The following NPAS3 variants were observed in gnomAD, a reference collection of about 807,000 sequenced individuals.
NPAS3 encodes neuronal PAS domain-containing protein 3.
A neutral mutation model predicts 73.1 loss-of-function variants in NPAS3; 14 were observed. The ratio of observed to expected loss-of-function variants is 0.19; its 90% CI spans 0.13 to 0.30. The LOEUF (loss-of-function observed/expected upper bound fraction) is 0.30, where lower values mean the gene tolerates loss of function less well. Among genes scored for constraint, NPAS3 ranks in the 10% least tolerant of loss-of-function variants. NPAS3 has a pLI of 1.00. For synonymous variants in NPAS3, 620 were observed against 541.5 expected, an observed-to-expected ratio of 1.14 and a Z score of -2.01; for missense variants, 1,096 against 1,250.0, an observed-to-expected ratio of 0.88 and a Z score of 1.86.
chr14:33,104,106 A>G (rs1199849364), intron 2 of NPAS3, among the ~76,000 whole-genome samples: 3 of 152,196 alleles, frequency 2.0e-5, no homozygotes, highest in African/African-American at 7.2e-5. Context: ...GGTATCAGCT[A>G]CATTGCAGAC....
intron 2 of NPAS3, among the ~76,000 whole-genome samples, chr14:33,197,435 T>C (rs1438033969): frequency 4.0e-5 from 6 of 151,844 alleles, no homozygotes; most frequent in East Asian, 3.9e-4. Context: ...ACACTGCACA[T>C]AGACATCATG....
In NPAS3 at chr14:33,006,205, C is replaced by A. The variant is rs141018825; in HGVS notation, c.51-49700C>A. On this transcript the variant is annotated intron_variant, in intron 1 of 11. Coordinates refer to ENST00000356141, the Ensembl canonical transcript of NPAS3. The stretch of plus-strand genomic sequence containing the variant: ...TCTCAAAGAAAAGATAAAGAGGAGG[C>A]ACTAGAGGAGGCAAAGCTGAAGGGA... Among the ~76,000 whole-genome samples, 458 of 152,236 alleles carry A rather than the reference C, an allele frequency of 3.0e-3. 2 individuals carry two copies. Among genetic ancestry groups the A allele is most frequent in the Non-Finnish European group, 5.0e-3 (338 of 68,014 alleles).
intron 2 of NPAS3, among the ~76,000 whole-genome samples, chr14:33,164,472 TTA>T (rs2045043436): frequency 6.6e-6 from 1 of 152,214 alleles, no homozygotes; most frequent in Admixed American, 6.5e-5. Context: ...TCTTCTAAAT[TTA>T]TGATTATTTG....
intron 6 of NPAS3, among the ~76,000 whole-genome samples, chr14:33,698,835 T>G (rs2071022551): frequency 6.6e-6 from 1 of 152,210 alleles, no homozygotes; most frequent in African/African-American, 2.4e-5. Flanking sequence ...AAATAAAGGA[T>G]GAAGGTAAAC....
intron 4 of NPAS3, among the ~76,000 whole-genome samples, chr14:33,466,218 G>A (rs75926643): frequency 0.033 from 4,954 of 152,234 alleles, 102 homozygotes; most frequent in Middle Eastern, 0.065. Context: ...ACCTGGTAAA[G>A]GCAGGGCTAG....
intron 4 of NPAS3, among the ~76,000 whole-genome samples, chr14:33,414,367 A>T (rs917048925): frequency 1.3e-5 from 2 of 152,156 alleles, no homozygotes; most frequent in African/African-American, 4.8e-5. Flanking sequence ...TAGTATTAAG[A>T]TTAAGTCATT....
intron 1 of NPAS3, among the ~76,000 whole-genome samples, chr14:33,016,504 A>G (rs1032772387): frequency 2.0e-4 from 30 of 152,050 alleles, no homozygotes; most frequent in Admixed American, 1.1e-3. Flanking sequence ...CTGATACCCA[A>G]AGAAAAAGAG....
chr14:33,155,712 AGT>A (rs1489424596), intron 2 of NPAS3, among the ~76,000 whole-genome samples: 2 of 152,024 alleles, frequency 1.3e-5, no homozygotes, highest in Non-Finnish European at 2.9e-5. Context: ...CTAGGTAGGG[AGT>A]GTGGTCTGCA....
At chr14:33,609,592 T>C (rs541602633) in intron 5 of NPAS3, among the ~76,000 whole-genome samples, 31 of 152,200 alleles carry the variant, frequency 2.0e-4, no homozygotes, top group Middle Eastern at 6.8e-3. Flanking sequence ...CTATATTCTC[T>C]TCTCGGTGGG....
At chr14:33,457,193 G>T (rs1271303474) in intron 4 of NPAS3, among the ~76,000 whole-genome samples, 4 of 152,218 alleles carry the variant, frequency 2.6e-5, no homozygotes, top group Admixed American at 6.5e-5. Context: ...AGGAAAAAGT[G>T]TTCTGTATCC....
chr14:33,283,579 C>T (rs2041718895), intron 3 of NPAS3, among the ~76,000 whole-genome samples: 1 of 152,178 alleles, frequency 6.6e-6, no homozygotes, highest in South Asian at 2.1e-4. Flanking sequence ...TTCAGAAAGG[C>T]ATATTTCCTT....
At chr14:33,075,091 TG>T (rs2041613454) in intron 2 of NPAS3, among the ~76,000 whole-genome samples, 1 of 152,210 alleles carries the variant, frequency 6.6e-6, no homozygotes, top group South Asian at 2.1e-4. Context: ...TGTTGAATAT[TG>T]TAACACCAGA....
At chr14:33,606,677 C>T (rs972914769) in intron 5 of NPAS3, among the ~76,000 whole-genome samples, 1 of 152,048 alleles carries the variant, frequency 6.6e-6, no homozygotes, top group Non-Finnish European at 1.5e-5. Flanking sequence ...TTGTGACCTT[C>T]GGTTAGATAA....
chr14:33,245,847 G>A (rs916705599), intron 3 of NPAS3, among the ~76,000 whole-genome samples: 2 of 151,414 alleles, frequency 1.3e-5, no homozygotes, highest in Non-Finnish European at 2.9e-5. Context: ...AAAATAGTTA[G>A]ACGAGTCACA....
intron 6 of NPAS3, among the ~76,000 whole-genome samples, chr14:33,683,461 C>T (rs1216739097): frequency 5.0e-5 from 7 of 138,958 alleles, no homozygotes; most frequent in African/African-American, 1.3e-4. Context: ...AGGTGGCCGT[C>T]TCTGTCATTG....
intron 4 of NPAS3, among the ~76,000 whole-genome samples, chr14:33,408,532 A>G (rs2047770343): frequency 1.3e-5 from 2 of 152,172 alleles, no homozygotes; most frequent in Admixed American, 1.3e-4. Flanking sequence ...GCCACCATCC[A>G]AACATTTATT....
At chr14:32,971,299 G>A (rs2037413524) in intron 1 of NPAS3, among the ~76,000 whole-genome samples, 2 of 151,998 alleles carry the variant, frequency 1.3e-5, no homozygotes, top group African/African-American at 4.8e-5. Flanking sequence ...TAGCCAGGCT[G>A]GTCTCGAATT....
At chr14:33,063,628 C>T (rs966495820) in intron 2 of NPAS3, among the ~76,000 whole-genome samples, 3 of 152,106 alleles carry the variant, frequency 2.0e-5, no homozygotes, top group African/African-American at 7.2e-5. Flanking sequence ...TCTGTGACTC[C>T]GTTCCTGCTA....
chr14:33,190,762 C>T (rs995288910), intron 2 of NPAS3, among the ~76,000 whole-genome samples: 35 of 152,260 alleles, frequency 2.3e-4, no homozygotes, highest in Admixed American at 1.1e-3. Flanking sequence ...TTTGGCGCTC[C>T]CCCTACTCAC....
Sources: gnomAD v4.1 joint callset for allele counts (sites outside exome capture counted in the v4.1 genomes callset) on GRCh38, gnomAD v4.1.1 for gene constraint, MANE v1.5 for transcripts, NCBI Gene and HGNC (gene_info 2026-07-23, HGNC 2026-07-21) for gene names.